DDX10: variants seen among roughly 807,000 people sequenced by gnomAD.
DDX10 encodes probable ATP-dependent RNA helicase DDX10.
Under a neutral mutation model 104.3 loss-of-function variants are expected in DDX10, and 74 were observed. That is an observed-to-expected ratio of 0.71 (90% confidence interval 0.59 to 0.86). The LOEUF (loss-of-function observed/expected upper bound fraction) is 0.86, where lower values mean the gene tolerates loss of function less well. DDX10 is among the 40% of genes least tolerant of loss of function. The probability of loss-of-function intolerance (pLI) is 0.00; values close to 1 mark genes in which losing one functional copy is unlikely to be tolerated. For missense variants in DDX10, 952 were observed against 1,040.0 expected (o/e 0.92, Z 1.16); for synonymous variants, 351 against 353.4 (o/e 0.99, Z 0.08).
chr11:108,794,103 A>G (rs1394619793), intron 13 of DDX10, among the ~76,000 whole-genome samples: 1 of 152,118 alleles, frequency 6.6e-6, no homozygotes, highest in African/African-American at 2.4e-5. Flanking sequence ...GATTGATTCC[A>G]TATCTCTGCT....
chr11:108,783,404 G>A (rs1861738022), intron 13 of DDX10, among the ~76,000 whole-genome samples: 1 of 152,148 alleles, frequency 6.6e-6, no homozygotes, highest in Non-Finnish European at 1.5e-5. Context: ...TAAAGGAATA[G>A]AGGAGAGGAT....
At chr11:108,888,232 A>G (rs544324178) in intron 16 of DDX10, among the ~76,000 whole-genome samples, 2 of 152,322 alleles carry the variant, frequency 1.3e-5, no homozygotes, top group African/African-American at 2.4e-5. Flanking sequence ...TCTGTATTGA[A>G]TGTCAAATTA....
rs189638396 is a variant in DDX10, at chr11:108,706,364, A to T, written c.1224-375A>T. On this transcript the variant is annotated intron_variant, in intron 9 of 17. Coordinates refer to ENST00000322536, the MANE Select transcript of DDX10 (RefSeq NM_004398.4). ...CAGGAAGAGGAATTGATTTTTTTTTAAAAAAAGTATATATTGGGTGCTGTA... is the reference window on the plus strand; with the variant it reads ...CAGGAAGAGGAATTGATTTTTTTTTTAAAAAAGTATATATTGGGTGCTGTA... 3.5e-3 allele frequency among the ~76,000 whole-genome samples: 528 copies of T among 152,138 alleles called. 1 individual carries two copies. Among genetic ancestry groups the T allele is most frequent in the African/African-American group, 9.9e-3 (410 of 41,536 alleles).
intron 13 of DDX10, among the ~76,000 whole-genome samples, chr11:108,786,514 T>C (rs1398396311): frequency 6.6e-6 from 1 of 151,342 alleles, no homozygotes; most frequent in Admixed American, 6.6e-5. Context: ...AGGAAGAACT[T>C]GTTTTATGGA....
intron 13 of DDX10, among the ~76,000 whole-genome samples, chr11:108,741,751 A>T (rs1281977644): frequency 6.6e-6 from 1 of 152,262 alleles, no homozygotes; most frequent in South Asian, 2.1e-4. Flanking sequence ...GCAAACAGGG[A>T]TAGTTTGACT....
intron 16 of DDX10, among the ~76,000 whole-genome samples, chr11:108,905,920 T>C (rs1863590229): frequency 6.6e-6 from 1 of 152,048 alleles, no homozygotes; most frequent in Admixed American, 6.5e-5. Context: ...CCACCAGATA[T>C]CGCAAAGACA....
intron 11 of DDX10, among the ~76,000 whole-genome samples, chr11:108,716,596 A>G (rs1320783174): frequency 6.6e-6 from 1 of 152,134 alleles, no homozygotes; most frequent in Non-Finnish European, 1.5e-5. Flanking sequence ...TCCTGATTGT[A>G]CTTTCTTGAC....
At chr11:108,820,091 C>CT (rs1242110258) in intron 13 of DDX10, among the ~76,000 whole-genome samples, 1 of 152,194 alleles carries the variant, frequency 6.6e-6, no homozygotes, top group Non-Finnish European at 1.5e-5. Flanking sequence ...TGCTTCTGTC[C>CT]TTTTTAGCTG....
At chr11:108,936,156 C>G (rs1395859638) in intron 17 of DDX10, among the ~76,000 whole-genome samples, 1 of 152,180 alleles carries the variant, frequency 6.6e-6, no homozygotes, top group Non-Finnish European at 1.5e-5. Flanking sequence ...ATCAGGTTAT[C>G]ACAGGAACAG....
chr11:108,852,090 ATG>A, intron 15 of DDX10, 61 bp from the exon 16 acceptor site: 1 of 1,258,378 alleles, frequency 7.9e-7, no homozygotes, highest in South Asian at 1.4e-5. Flanking sequence ...ACTGTAATGA[ATG>A]TGTAGTCTGT....
chr11:108,866,830 C>T (rs1298149543), intron 16 of DDX10, among the ~76,000 whole-genome samples: 2 of 152,262 alleles, frequency 1.3e-5, no homozygotes, highest in East Asian at 1.9e-4. Flanking sequence ...ACTCCAAAAT[C>T]TTAACATTTA....
chr11:108,676,867 G>C (rs1260132489), intron 3 of DDX10, among the ~76,000 whole-genome samples: 1 of 152,144 alleles, frequency 6.6e-6, no homozygotes, highest in Non-Finnish European at 1.5e-5. Context: ...TCTGGCAGCA[G>C]CTGAACTACC....
chr11:108,851,355 T>C (rs1448893017), intron 15 of DDX10, among the ~76,000 whole-genome samples: 2 of 152,188 alleles, frequency 1.3e-5, no homozygotes, highest in Non-Finnish European at 1.5e-5. Flanking sequence ...TTCTTTCATA[T>C]ATTTTGTAGT....
rs190469864 is a variant in DDX10 at position 108,874,401 on chromosome 11, G to A, written c.2304+22192G>A. ...AAGCTTGGGTGAAACAGATCCCAAG[G>A]CCTTTCAAGACACTCAGAAGCTCAT... On this transcript the variant is annotated intron_variant, in intron 16 of 17. Coordinates refer to ENST00000322536, the MANE Select transcript of DDX10 (RefSeq NM_004398.4). Among the ~76,000 whole-genome samples the A allele has an allele frequency of 3.3e-5, 5 of 152,230 alleles. No homozygotes were observed. The East Asian group carries it at 9.6e-4, about 29-fold the overall frequency.
In DDX10 at chr11:108,901,404, A is replaced by G. The variant is rs533800026; in HGVS notation, c.2305-16469A>G. The stretch of plus-strand genomic sequence containing the variant: ...ATGTTAAAAGATATTTGTGTGATTT[A>G]AAGTTTAGCTTCCATATGTGTAGCT... On this transcript the variant is annotated intron_variant, in intron 16 of 17. Transcript: ENST00000322536. Among the ~76,000 whole-genome samples, 4 of 152,326 alleles carry G rather than the reference A, an allele frequency of 2.6e-5. 1 individual carries two copies. In the South Asian group the frequency reaches 8.3e-4, roughly 32 times the overall value.
intron 1 of DDX10, 148 bp downstream of exon 1, chr11:108,665,487 C>T: frequency 1.7e-5 from 15 of 867,098 alleles, no homozygotes; most frequent in Admixed American, 3.4e-5. Context: ...CAGCTCAAAC[C>T]TCTGCACCGT....
intron 13 of DDX10, among the ~76,000 whole-genome samples, chr11:108,759,097 G>A (rs1435779589): frequency 6.6e-6 from 1 of 151,976 alleles, no homozygotes; most frequent in Non-Finnish European, 1.5e-5. Context: ...CACTTCAATT[G>A]TTCTGGGTTC....
chr11:108,752,562 A>T (rs1555021749), intron 13 of DDX10, among the ~76,000 whole-genome samples: 1 of 152,076 alleles, frequency 6.6e-6, no homozygotes, highest in Non-Finnish European at 1.5e-5. Flanking sequence ...GTACTTATGG[A>T]TGTCTGTTCT....
intron 13 of DDX10, among the ~76,000 whole-genome samples, chr11:108,802,538 CAG>C (rs1862036086): frequency 6.6e-6 from 1 of 152,178 alleles, no homozygotes; most frequent in East Asian, 1.9e-4. Context: ...TATTTTCCCT[CAG>C]ATACGTGCCA....
Sources: gnomAD v4.1 joint callset for allele counts (sites outside exome capture counted in the v4.1 genomes callset) on GRCh38, gnomAD v4.1.1 for gene constraint, MANE v1.5 for transcripts, NCBI Gene and HGNC (gene_info 2026-07-23, HGNC 2026-07-21) for gene names.